Variants in ABCA6 observed in about 807,000 individuals in gnomAD.
The protein encoded by ABCA6 is ATP binding cassette subfamily A member 6.
Under a neutral mutation model 191.2 loss-of-function variants are expected in ABCA6, and 164 were observed. That is an observed-to-expected ratio of 0.86 (90% CI 0.76 to 0.98). ABCA6 has a LOEUF of 0.98. ABCA6 is among the 50% of genes least tolerant of loss of function. The pLI is 0.00. For synonymous variants in ABCA6, 636 were observed against 647.7 expected (o/e 0.98, Z 0.27); for missense variants, 1,958 against 1,894.1 (o/e 1.03, Z -0.63).
chr17:69,128,658 A>C lies in ABCA6; in HGVS notation c.1080T>G (p.Asn360Lys). ...TAGTAAAGGCAAAAGGGCTACAAATATTCAAAATCCACTCCAGAGATGAAG... is the reference window on the plus strand; with the variant it reads ...TAGTAAAGGCAAAAGGGCTACAAATCTTCAAAATCCACTCCAGAGATGAAG... ...QLPSSLEWIL[N>K]ICSPFAFTTG... The change falls in exon 8 of 39, where the codon AAT becomes AAG. Residue 360 changes from asparagine to lysine, a missense_variant. Transcript: ENST00000284425. 6.2e-7 allele frequency: 1 copy of C among 1,613,404 alleles called. No individual in the cohort carries two copies.
intron 37 of ABCA6, 95 bp from the exon 38 acceptor site, chr17:69,079,360 T>A: frequency 1.1e-6 from 1 of 928,142 alleles, no homozygotes; most frequent in Non-Finnish European, 1.6e-6. Context: ...TGTAAATCAT[T>A]AATATAAATA....
chr17:69,114,810 G>C lies in ABCA6; in HGVS notation c.1734C>G (p.Ser578Arg). 6.2e-7 allele frequency: 1 copy of C among 1,612,410 alleles called. No homozygotes were observed. Among genetic ancestry groups the C allele is most frequent in the Non-Finnish European group, 8.5e-7 (1 of 1,179,158 alleles). Residue 578 changes from serine (S) to arginine (R), a missense_variant, in exon 13 of 39, where the codon AGC becomes AGG. Transcript: ENST00000284425. ...GAATCCCTTTTATTTTAGCAAACAGGCTGAGGTTTTCCTTCACGGTGAGTA... is the reference window on the plus strand; with the variant it reads ...GAATCCCTTTTATTTTAGCAAACAGCCTGAGGTTTTCCTTCACGGTGAGTA... Reference protein sequence around the residue: ...FDILTVKENLSLFAKIKGIHL... With the variant: ...FDILTVKENLRLFAKIKGIHL...
intron 25 of ABCA6, among the ~76,000 whole-genome samples, chr17:69,092,572 T>C (rs1002607151): frequency 1.3e-5 from 2 of 152,156 alleles, no homozygotes; most frequent in African/African-American, 4.8e-5. Flanking sequence ...CACAGCATAA[T>C]AGGCTGAAAA....
chr17:69,124,818 A>G, intron 9 of ABCA6, 70 bp downstream of exon 9: 1 of 875,672 alleles, frequency 1.1e-6, no homozygotes, highest in South Asian at 2.5e-5. Flanking sequence ...AAAAGTCTAT[A>G]TAATCTTAAA....
At chr17:69,111,132 A>C in intron 16 of ABCA6, 192 bp from the exon 17 acceptor site, 1 of 463,976 alleles carries the variant, frequency 2.2e-6, no homozygotes, top group Non-Finnish European at 3.7e-6. Flanking sequence ...AAAATGTATA[A>C]GCTCAGAACA....
chr17:69,103,911 C>CTTTTTTTTTTTTTTTTTTTTTTTTTT (rs55850112), intron 20 of ABCA6: 4 of 93,352 alleles, frequency 4.3e-5, no homozygotes, highest in Non-Finnish European at 8.0e-5. Context: ...AAAAGAAGGA[C>CTTTTTTTTTTTTTTTTTTTTTTTTTT]TTTTTTTTTT....
chr17:69,100,835 T>C lies in ABCA6; in HGVS notation c.2974A>G (p.Thr992Ala), dbSNP rs144358941. The change falls in exon 22 of 39, where the codon ACA (threonine) becomes GCA (alanine). Residue 992 changes from threonine to alanine, a missense_variant. Physicochemically the swap from Thr to Ala is moderately conservative, Grantham distance 58. Transcript: ENST00000284425. The stretch of plus-strand genomic sequence containing the variant: ...CTTGACTCAATTCGAATATGTTGTG[T>C]GTGATTAAACATTTGAAGTAGCCCA... ...SNGLLQMFNH[T>A]QHIRIESSPF... is the part of the protein sequence containing the mutation. The C allele has an allele frequency of 6.2e-7, 1 of 1,612,666 alleles. No individual in the cohort carries two copies. Among genetic ancestry groups the C allele is most frequent in the African/African-American group, 1.3e-5 (1 of 74,872 alleles).
At position 69,124,938 on chromosome 17, in the gene ABCA6, T is replaced by C. The variant is rs1346871702; in HGVS notation, c.1217A>G (p.Asp406Gly). ...TGCCAATAGCAAGTAGATGAGACCA[T>C]CCAAAAGCAACATAGAAAAAGTTGC... ...MIATFSMLLLDGLIYLLLALY... is the reference protein window; with the variant it reads ...MIATFSMLLLGGLIYLLLALY... The change falls in exon 9 of 39, where the codon GAT becomes GGT. Residue 406 changes from aspartate to glycine, a missense_variant. Coordinates refer to ENST00000284425, the MANE Select transcript of ABCA6 (RefSeq NM_080284.3). 6 of 1,576,996 alleles carry C rather than the reference T, an allele frequency of 3.8e-6. No individual in the cohort carries two copies. In the South Asian group the frequency reaches 4.7e-5, roughly 12 times the overall value.
chr17:69,102,721 C>A, intron 21 of ABCA6, 114 bp downstream of exon 21: 1 of 967,036 alleles, frequency 1.0e-6, no homozygotes, highest in Non-Finnish European at 1.5e-6. Context: ...AATAACAACC[C>A]AGAATGTTTT....
intron 25 of ABCA6, among the ~76,000 whole-genome samples, chr17:69,092,712 T>C (rs551606508): frequency 1.9e-4 from 29 of 152,278 alleles, no homozygotes; most frequent in African/African-American, 6.0e-4. Context: ...GGAGAAACAT[T>C]GCCTACACTG....
In ABCA6 at chr17:69,140,696, A is replaced by G. The variant is rs561385580; in HGVS notation, c.8T>C (p.Met3Thr). ...TTGCTGATACACGCTTTTCTGTTTC[A>G]TATTCATTTAGCCTATTCGCTGAAG... MN[M>T]KQKSVYQQTK... Residue 3 changes from methionine (M) to threonine (T), a missense_variant, in exon 2 of 39, where the codon ATG becomes ACG. Physicochemically the swap from Met to Thr is moderately conservative, Grantham distance 81. Transcript: ENST00000284425. 6.9e-6 allele frequency: 11 copies of G among 1,593,342 alleles called. No individual in the cohort carries two copies. Among genetic ancestry groups the G allele is most frequent in the Admixed American group, 5.3e-5 (3 of 56,790 alleles).
chr17:69,127,912 A>G (rs1217519236), intron 8 of ABCA6, among the ~76,000 whole-genome samples: 1 of 152,152 alleles, frequency 6.6e-6, no homozygotes, highest in Non-Finnish European at 1.5e-5. Flanking sequence ...TTAACACAAT[A>G]GGATGCTACA....
chr17:69,120,292 G>A (rs920786877), intron 10 of ABCA6, among the ~76,000 whole-genome samples: 12 of 151,862 alleles, frequency 7.9e-5, no homozygotes, highest in African/African-American at 1.9e-4. Flanking sequence ...TGCTCAACCC[G>A]GATGGTGAAT....
At chr17:69,121,091 C>T (rs1425845307) in intron 10 of ABCA6, among the ~76,000 whole-genome samples, 1 of 151,968 alleles carries the variant, frequency 6.6e-6, no homozygotes, top group African/African-American at 2.4e-5. Flanking sequence ...GCAGAGACCA[C>T]ATAGGAAGAA....
chr17:69,124,910 T>C lies in ABCA6; in HGVS notation c.1245A>G (p.Leu415=), dbSNP rs774623175. ...LDGLIYLLLA[L]YFDKILPYGD... is the part of the protein sequence containing the mutation. ...TACAGGGTAAAATTTTGTCAAAGTA[T>C]AATGCCAATAGCAAGTAGATGAGAC... Residue 415 remains leucine, a synonymous_variant, in exon 9 of 39, where the codon TTA becomes TTG. Transcript: ENST00000284425. 6.4e-7 allele frequency: 1 copy of C among 1,570,444 alleles called. No individual in the cohort carries two copies. The highest frequency in any genetic ancestry group is 1.2e-5 in the South Asian group (1 of 82,894).
At chr17:69,084,098 G>A (rs2072709666) in intron 34 of ABCA6, among the ~76,000 whole-genome samples, 163 bp downstream of exon 34, 1 of 152,176 alleles carries the variant, frequency 6.6e-6, no homozygotes, top group Non-Finnish European at 1.5e-5. Flanking sequence ...ACATCATGCA[G>A]ATTAGATCAT....
At chr17:69,089,361 T>C (rs2072875815) in intron 27 of ABCA6, 104 bp downstream of exon 27, 2 of 1,085,676 alleles carry the variant, frequency 1.8e-6, no homozygotes, top group Non-Finnish European at 2.7e-6. Context: ...TCTAAGATCA[T>C]ATAAAAACAC....
At chr17:69,113,027 T>C (rs2073459316) in intron 15 of ABCA6, 195 bp downstream of exon 15, 2 of 473,162 alleles carry the variant, frequency 4.2e-6, no homozygotes, top group Non-Finnish European at 6.8e-6. Context: ...GAATTTTTCA[T>C]TAGTTGTCAC....
At chr17:69,097,811 A>T in intron 23 of ABCA6, 109 bp downstream of exon 23, 1 of 727,634 alleles carries the variant, frequency 1.4e-6, no homozygotes, top group African/African-American at 1.8e-5. Context: ...TATCTAAATT[A>T]AACATACATT....
Sources: gnomAD v4.1 joint callset for allele counts (sites outside exome capture counted in the v4.1 genomes callset) on GRCh38, gnomAD v4.1.1 for gene constraint, MANE v1.5 for transcripts, NCBI Gene and HGNC (gene_info 2026-07-23, HGNC 2026-07-21) for gene names.